The following ADGRF1 variants were observed in gnomAD, a reference collection of about 807,000 sequenced individuals.
ADGRF1 encodes adhesion G protein-coupled receptor F1.
Under a neutral mutation model 87.2 loss-of-function variants are expected in ADGRF1, and 85 were observed. The observed-to-expected ratio is 0.97, with a 90% confidence interval of 0.82 to 1.17. The LOEUF is 1.17. ADGRF1 is among the 50% of genes most tolerant of loss of function. ADGRF1 has a pLI of 0.00. For missense variants in ADGRF1, 1,169 were observed against 1,077.2 expected, an observed-to-expected ratio of 1.09 and a Z score of -1.19; for synonymous variants, 430 against 408.8, an observed-to-expected ratio of 1.05 and a Z score of -0.63.
intron 7 of ADGRF1, 164 bp downstream of exon 7, chr6:47,020,567 A>G: frequency 6.6e-7 from 1 of 1,511,400 alleles, no homozygotes; most frequent in South Asian, 1.3e-5. Context: ...TACTCTTCAG[A>G]CTTTTTAAAG....
At chr6:47,035,956 C>T (rs111956833) in intron 1 of ADGRF1, among the ~76,000 whole-genome samples, 6 of 152,152 alleles carry the variant, frequency 3.9e-5, no homozygotes, top group African/African-American at 9.6e-5. Flanking sequence ...TTGGGCTGGG[C>T]GCGATGGCTC....
chr6:47,032,158 C>T lies in ADGRF1; in HGVS notation c.-43-3054G>A, dbSNP rs528466824. Among the ~76,000 whole-genome samples, 260 of 152,138 alleles carry T rather than the reference C, an allele frequency of 1.7e-3. 1 individual carries two copies. The highest frequency in any genetic ancestry group is 5.3e-3 in the African/African-American group (221 of 41,520). ...GTTGTGGCACCTGTGGCCTCCACTC[C>T]GCCCCCTCCTCCTTAAAAAAATAAA... is the stretch of plus-strand genomic sequence containing the variant. On this transcript the variant is annotated intron_variant, in intron 1 of 14. Transcript: ENST00000371253.
At chr6:47,018,683 G>A (rs1779951274) in intron 7 of ADGRF1, 1 of 1,017,818 alleles carries the variant, frequency 9.8e-7, no homozygotes, top group African/African-American at 1.7e-5. Flanking sequence ...AGGCCAAGGT[G>A]TGTGGGTCAT....
chr6:47,024,258 A>C, intron 4 of ADGRF1, 41 bp from the exon 5 acceptor site: 2 of 1,440,046 alleles, frequency 1.4e-6, no homozygotes, highest in East Asian at 2.3e-5. Context: ...ATTCTGGTTT[A>C]TAAACTGACT....
In ADGRF1 at chr6:47,009,349, G is replaced by C. The variant is rs776778239; in HGVS notation, c.2086C>G (p.His696Asp). The C allele has an allele frequency of 1.2e-6, 2 of 1,614,158 alleles. No homozygotes were observed. Among genetic ancestry groups the C allele is most frequent in the African/African-American group, 1.3e-5 (1 of 75,050 alleles). The stretch of plus-strand genomic sequence containing the variant: ...CAAAATCCAACAGCCATCATCAAAT[G>C]CTGGGCCATGTGATGGAACACGAGG... ...IILVFHHMAQHLMMAVGFCLG... is the reference protein window; with the variant it reads ...IILVFHHMAQDLMMAVGFCLG... Residue 696 changes from histidine to aspartate, a missense_variant, in exon 11 of 15, where the codon CAT (histidine) becomes GAT (aspartate). His to Asp is a moderately conservative substitution (Grantham distance 81, BLOSUM62 -1). Transcript: ENST00000371253.
In ADGRF1 at chr6:47,014,682, T is replaced by G. The variant is rs572824256; in HGVS notation, c.926A>C (p.Lys309Thr). 15 of 1,613,284 alleles carry G rather than the reference T, an allele frequency of 9.3e-6. No individual in the cohort carries two copies. The African/African-American group carries it at 1.9e-4, about 20-fold the overall frequency. Residue 309 changes from lysine (K) to threonine (T), a missense_variant and splice_region_variant, in exon 9 of 15, where the codon AAG becomes ACG. By Grantham distance (78) the Lys-to-Thr change is moderately conservative. Coordinates refer to ENST00000371253, the MANE Select transcript of ADGRF1 (RefSeq NM_153840.4). ...CVLSLLEELN[K>T]NFSMIVGNAT... ...GTCTACACAGTGAAAATGCCTCACC[T>G]TGTTCAGTTCTTCAAGCAGAGAGAG...
intron 7 of ADGRF1, 159 bp from the exon 8 acceptor site, chr6:47,016,927 CA>C (rs1379906391): frequency 6.2e-6 from 5 of 808,516 alleles, no homozygotes; most frequent in Non-Finnish European, 8.3e-6. Context: ...AACAAGTATC[CA>C]CCAAAAATAC....
chr6:47,004,252 T>C (rs536976788), intron 13 of ADGRF1, among the ~76,000 whole-genome samples: 21 of 152,344 alleles, frequency 1.4e-4, no homozygotes, highest in African/African-American at 4.8e-4. Context: ...ATCTGTCATT[T>C]GGGGTCCTTG....
intron 7 of ADGRF1, chr6:47,020,246 C>A (rs1780005144): frequency 1.6e-5 from 21 of 1,281,764 alleles, no homozygotes; most frequent in South Asian, 2.8e-5. Context: ...GTAATCCCAG[C>A]ACTTTGGGGG....
intron 5 of ADGRF1, among the ~76,000 whole-genome samples, chr6:47,022,804 C>CT (rs11286179): frequency 0.14 from 16,966 of 119,296 alleles, 1,371 homozygotes; most frequent in South Asian, 0.27. Context: ...TTTCTTTTTT[C>CT]TTTTTTTTTT....
In ADGRF1 at chr6:46,999,995, T is replaced by C. The variant is rs958264613; in HGVS notation, c.*227A>G. The C allele has an allele frequency of 6.4e-5, 29 of 451,356 alleles. No homozygotes were observed. In the Admixed American group the frequency reaches 9.0e-4, roughly 14 times the overall value. The allele number at this position is 451,356 out of a possible 1,614,324, so 28.0% of individuals were successfully genotyped here. Reference sequence around the variant, plus strand: ...TTCCAACAAAACCTACTCTTCTGCATTTATGGAGCACTTTCTTTGAATCAA... The same window carrying C: ...TTCCAACAAAACCTACTCTTCTGCACTTATGGAGCACTTTCTTTGAATCAA... On this transcript the variant is annotated 3_prime_UTR_variant, in exon 15 of 15. Coordinates refer to ENST00000371253, the MANE Select transcript of ADGRF1 (RefSeq NM_153840.4).
chr6:47,002,774 C>A (rs1434096829), intron 13 of ADGRF1, among the ~76,000 whole-genome samples: 1 of 152,056 alleles, frequency 6.6e-6, no homozygotes, highest in Non-Finnish European at 1.5e-5. Flanking sequence ...AGAGAACATG[C>A]CTAGGGACAA....
At chr6:47,018,553 T>A in intron 7 of ADGRF1, 4 of 1,289,268 alleles carry the variant, frequency 3.1e-6, no homozygotes, top group Non-Finnish European at 4.0e-6. Flanking sequence ...TTAGTGAAGT[T>A]AAACCAGGTT....
chr6:46,998,872 A>T lies in ADGRF1; in HGVS notation c.*1350T>A, dbSNP rs1779281530. 6.6e-6 allele frequency: 1 copy of T among 152,216 alleles called. No homozygotes were observed. The highest frequency in any genetic ancestry group is 1.9e-4 in the East Asian group (1 of 5,196). 9.4% of individuals were successfully genotyped at this position (152,216 alleles called of 1,614,324 possible). ...TTTGAACCTCTCACTTTCATATTTC[A>T]TGTGTGCTGCACCTTGGTGCCTTGT... On this transcript the variant is annotated 3_prime_UTR_variant, in exon 15 of 15. Coordinates refer to ENST00000371253, the MANE Select transcript of ADGRF1 (RefSeq NM_153840.4).
chr6:47,008,832 G>C, intron 11 of ADGRF1, 113 bp downstream of exon 11: 1 of 862,146 alleles, frequency 1.2e-6, no homozygotes, highest in East Asian at 2.5e-5. Context: ...TTTTTCTGAT[G>C]GTCTTGCTGG....
At chr6:47,036,052 G>C (rs1164416176) in intron 1 of ADGRF1, among the ~76,000 whole-genome samples, 1 of 152,162 alleles carries the variant, frequency 6.6e-6, no homozygotes, top group Admixed American at 6.5e-5. Flanking sequence ...GCAACATGGT[G>C]AAACCCCATC....
At chr6:47,007,367 A>G in intron 11 of ADGRF1, 73 bp from the exon 12 acceptor site, 1 of 863,852 alleles carries the variant, frequency 1.2e-6, no homozygotes, top group Non-Finnish European at 1.9e-6. Flanking sequence ...TATATGTAAC[A>G]CTATTCAATC....
chr6:47,015,805 C>T (rs1434790506), intron 8 of ADGRF1, among the ~76,000 whole-genome samples: 4 of 151,092 alleles, frequency 2.6e-5, no homozygotes, highest in Non-Finnish European at 4.4e-5. Flanking sequence ...ACCATGTTGG[C>T]CAGGCTGGTC....
chr6:47,036,362 A>C (rs1348511458), intron 1 of ADGRF1, among the ~76,000 whole-genome samples: 1 of 152,192 alleles, frequency 6.6e-6, no homozygotes, highest in Non-Finnish European at 1.5e-5. Context: ...CCCATATAAC[A>C]AAACTGCACA....
Sources: gnomAD v4.1 joint callset for allele counts (sites outside exome capture counted in the v4.1 genomes callset) on GRCh38, gnomAD v4.1.1 for gene constraint, MANE v1.5 for transcripts, NCBI Gene and HGNC (gene_info 2026-07-23, HGNC 2026-07-21) for gene names.